The following TYW1 variants were observed in gnomAD, a reference collection of about 807,000 sequenced individuals.
The protein encoded by TYW1 is S-adenosyl-L-methionine-dependent tRNA 4-demethylwyosine synthase TYW1.
In TYW1, 46 loss-of-function variants were observed where a neutral mutation model predicts 96.2. The observed-to-expected ratio is 0.48, with a 90% CI of 0.38 to 0.61. The LOEUF (loss-of-function observed/expected upper bound fraction) is 0.61, where lower values mean the gene tolerates loss of function less well. Ranked by LOEUF, TYW1 falls within the 20% of genes least tolerant of loss-of-function variation. TYW1 has a pLI of 0.00. For missense variants in TYW1, 684 were observed against 909.6 expected, an observed-to-expected ratio of 0.75 and a Z score of 3.19; for synonymous variants, 274 against 323.0, an observed-to-expected ratio of 0.85 and a Z score of 1.63.
intron 15 of TYW1, among the ~76,000 whole-genome samples, chr7:67,221,343 C>CT (rs1185847442): frequency 3.9e-5 from 6 of 152,074 alleles, no homozygotes; most frequent in African/African-American, 1.4e-4. Context: ...CATGGAATAC[C>CT]TTTTTCCATC....
chr7:67,050,094 A>G, intron 8 of TYW1, 28 bp downstream of exon 8: 4 of 1,611,468 alleles, frequency 2.5e-6, no homozygotes, highest in Non-Finnish European at 3.4e-6. Flanking sequence ...TTGTTGTTAT[A>G]TGACTGTAGT....
chr7:67,235,842 C>T (rs1457240579), intron 15 of TYW1, among the ~76,000 whole-genome samples: 3 of 141,570 alleles, frequency 2.1e-5, no homozygotes, highest in East Asian at 2.0e-4. Context: ...TGCAGTGAGC[C>T]GAGATAGCAC....
At chr7:67,029,410 T>TATATATATACACATATATATATATAC (rs1302229314) in intron 7 of TYW1, among the ~76,000 whole-genome samples, 1 of 130,250 alleles carries the variant, frequency 7.7e-6, no homozygotes, top group Admixed American at 8.2e-5. Context: ...TGTGTGTGTG[T>TATATATATACACATATATATATATAC]GTGTGTATAT....
At chr7:67,061,081 A>G (rs1355282621) in intron 9 of TYW1, among the ~76,000 whole-genome samples, 1 of 152,168 alleles carries the variant, frequency 6.6e-6, no homozygotes, top group Non-Finnish European at 1.5e-5. Context: ...TACAAAAGTT[A>G]GATGGGTGTG....
In TYW1 at chr7:66,998,829, C is replaced by G. The variant is rs753138008; in HGVS notation, c.148C>G (p.Gln50Glu). The change falls in exon 3 of 16, where the codon CAG becomes GAG. Residue 50 changes from glutamine (Q) to glutamate (E), a missense_variant. Physicochemically the swap from Gln to Glu is conservative, Grantham distance 29. Coordinates refer to ENST00000359626, the MANE Select transcript of TYW1 (RefSeq NM_018264.4). ...ATTTGTCTTCAAGGGCAAGAACTTA[C>G]AGGAAAAATCTGTTCCAAAAGCAGC... ...IVIKTQGKNL[Q>E]EKSVPKAAQD... 28 of 1,613,924 alleles carry G rather than the reference C, an allele frequency of 1.7e-5. No homozygotes were observed. The highest frequency in any genetic ancestry group is 2.0e-5 in the Non-Finnish European group (24 of 1,180,014).
chr7:67,162,148 AC>A (rs1799180998), intron 13 of TYW1, among the ~76,000 whole-genome samples: 1 of 151,734 alleles, frequency 6.6e-6, no homozygotes, highest in Non-Finnish European at 1.5e-5. Context: ...TACAAAAAAA[AC>A]AAAAAAACAA....
chr7:67,016,230 G>A (rs1794017894), intron 5 of TYW1, among the ~76,000 whole-genome samples: 1 of 150,858 alleles, frequency 6.6e-6, no homozygotes, highest in Middle Eastern at 3.4e-3. Flanking sequence ...TGTGAGTGAC[G>A]GTGGAGGTGG....
intron 15 of TYW1, among the ~76,000 whole-genome samples, chr7:67,224,658 A>G (rs1277275699): frequency 6.6e-6 from 1 of 152,188 alleles, no homozygotes; most frequent in East Asian, 1.9e-4. Context: ...ATATTCCTCT[A>G]TTGCCTTCCA....
At chr7:67,071,375 GA>G (rs1033601242) in intron 10 of TYW1, among the ~76,000 whole-genome samples, 5 of 121,862 alleles carry the variant, frequency 4.1e-5, no homozygotes, top group Admixed American at 8.4e-5. Context: ...TGGAGCCAAA[GA>G]AAAAAAATTG....
chr7:67,061,206 C>T lies in TYW1; in HGVS notation c.1155+5319C>T, dbSNP rs140485279. The stretch of plus-strand genomic sequence containing the variant: ...TTGCACCACTGCACTCCAGCCTGGT[C>T]GAGAGAGTGAGACTCCATCTCAAAA... On this transcript the variant is annotated intron_variant, in intron 9 of 15. Coordinates refer to ENST00000359626, the MANE Select transcript of TYW1 (RefSeq NM_018264.4). Among the ~76,000 whole-genome samples the T allele has an allele frequency of 3.3e-3, 498 of 152,108 alleles. 4 individuals are homozygous for T. Among genetic ancestry groups the T allele is most frequent in the African/African-American group, 0.011 (457 of 41,512 alleles).
intron 12 of TYW1, among the ~76,000 whole-genome samples, chr7:67,108,750 G>A (rs1285322450): frequency 6.6e-6 from 1 of 151,880 alleles, no homozygotes; most frequent in South Asian, 2.1e-4. Context: ...TCTGAATACA[G>A]GTTCTTTTCA....
chr7:67,066,500 A>G (rs1467569313), intron 9 of TYW1, among the ~76,000 whole-genome samples: 16 of 152,076 alleles, frequency 1.1e-4, no homozygotes, highest in Non-Finnish European at 1.5e-5. Flanking sequence ...TGGAAATGGG[A>G]ATAATGTATT....
intron 1 of TYW1, among the ~76,000 whole-genome samples, chr7:66,997,550 T>C (rs1003888173): frequency 1.3e-5 from 2 of 152,210 alleles, no homozygotes; most frequent in Non-Finnish European, 2.9e-5. Flanking sequence ...TTATATTCTG[T>C]TTTTTCTTTG....
chr7:67,193,153 G>A (rs755142546), intron 14 of TYW1, among the ~76,000 whole-genome samples: 18 of 152,016 alleles, frequency 1.2e-4, no homozygotes, highest in Non-Finnish European at 2.5e-4. Context: ...TTTCTTATAC[G>A]GCCATCCTGC....
intron 2 of TYW1, 73 bp downstream of exon 2, chr7:66,998,268 G>T: frequency 6.6e-7 from 1 of 1,518,740 alleles, no homozygotes; most frequent in Non-Finnish European, 8.8e-7. Flanking sequence ...ATACTAAAAG[G>T]AACCTTTAAT....
intron 13 of TYW1, among the ~76,000 whole-genome samples, chr7:67,165,619 T>C (rs1214528914): frequency 6.6e-6 from 1 of 152,188 alleles, no homozygotes; most frequent in African/African-American, 2.4e-5. Flanking sequence ...TGAATACTTC[T>C]GTATACAACA....
intron 7 of TYW1, among the ~76,000 whole-genome samples, chr7:67,032,815 G>A (rs1794709139): frequency 6.7e-6 from 1 of 150,212 alleles, no homozygotes; most frequent in African/African-American, 2.5e-5. Context: ...ACTCTGAGAA[G>A]CTGAGAAGTG....
At chr7:67,016,253 A>T (rs1224815396) in intron 5 of TYW1, among the ~76,000 whole-genome samples, 7 of 127,746 alleles carry the variant, frequency 5.5e-5, no homozygotes, top group African/African-American at 1.4e-4. Flanking sequence ...AGTTTTTTTT[A>T]AAAGCTGTTT....
chr7:67,183,034 G>C, intron 13 of TYW1, 92 bp from the exon 14 acceptor site: 2 of 1,102,148 alleles, frequency 1.8e-6, no homozygotes, highest in Non-Finnish European at 2.5e-6. Flanking sequence ...CCTGCCCTGG[G>C]TTCTCTGGAT....
Sources: gnomAD v4.1 joint callset for allele counts (sites outside exome capture counted in the v4.1 genomes callset) on GRCh38, gnomAD v4.1.1 for gene constraint, MANE v1.5 for transcripts, NCBI Gene and HGNC (gene_info 2026-07-23, HGNC 2026-07-21) for gene names.